Variants in SVOP observed in about 807,000 individuals in gnomAD.
SVOP encodes synaptic vesicle 2-related protein.
In SVOP, 17 loss-of-function variants were observed where a neutral mutation model predicts 69.1. That is an observed-to-expected ratio of 0.25 (90% CI 0.17 to 0.37). The LOEUF (loss-of-function observed/expected upper bound fraction) is 0.37. Ranked by LOEUF, SVOP falls within the 10% of genes least tolerant of loss-of-function variation. The probability of loss-of-function intolerance (pLI) is 1.00; values close to 1 mark genes in which losing one functional copy is unlikely to be tolerated. For missense variants in SVOP, 435 were observed against 597.5 expected (o/e 0.73, Z 2.84); for synonymous variants, 238 against 238.6 (o/e 1.00, Z 0.02).
chr12:108,937,010 T>C (rs1347318657), intron 10 of SVOP: 1 of 463,968 alleles, frequency 2.2e-6, no homozygotes, highest in East Asian at 4.0e-5. Flanking sequence ...TGCAGTAAGC[T>C]AGGAGAGCGC....
intron 1 of SVOP, among the ~76,000 whole-genome samples, chr12:109,008,849 TG>T (rs2135628961): frequency 6.6e-6 from 1 of 152,186 alleles, no homozygotes; most frequent in African/African-American, 2.4e-5. Flanking sequence ...TTCTTTGACA[TG>T]GCCTCAGCAG....
chr12:108,926,685 A>G (rs2039782671), intron 11 of SVOP: 1 of 152,264 alleles, frequency 6.6e-6, no homozygotes, highest in African/African-American at 2.4e-5. Context: ...AAATGCAAAT[A>G]GTGCCTGGTG....
intron 15 of SVOP, among the ~76,000 whole-genome samples, 186 bp from the exon 16 acceptor site, chr12:108,912,927 T>C (rs2039693638): frequency 6.6e-6 from 1 of 152,104 alleles, no homozygotes; most frequent in South Asian, 2.1e-4. Flanking sequence ...CTCCTTTGCC[T>C]TCCTCCATGA....
intron 1 of SVOP, among the ~76,000 whole-genome samples, chr12:109,008,217 G>A (rs936844935): frequency 6.6e-6 from 1 of 152,108 alleles, no homozygotes; most frequent in African/African-American, 2.4e-5. Context: ...ATACCCCTGT[G>A]GAACTGATTA....
In SVOP at chr12:108,915,172, CAAA is replaced by C. The variant is rs78563087; in HGVS notation, c.1440+608_1440+610del. ...TGGGTGACAAAGCGAGACTCCATCCCAAAAAAAAAAAAAAAAAATCAACTTTTA... is the reference window on the plus strand; with the variant it reads ...TGGGTGACAAAGCGAGACTCCATCCCAAAAAAAAAAAAAAATCAACTTTTA... On this transcript the variant is annotated intron_variant, in intron 15 of 15. Transcript: ENST00000610966. Among the ~76,000 whole-genome samples the C allele has an allele frequency of 4.2e-3, 477 of 113,940 alleles. 2 individuals are homozygous for C. Among genetic ancestry groups the C allele is most frequent in the Middle Eastern group, 0.026 (6 of 232 alleles). The allele number at this position is 113,940 out of a possible 152,430, so 74.7% of individuals were successfully genotyped here.
chr12:108,951,740 T>A (rs2039955072), intron 6 of SVOP, among the ~76,000 whole-genome samples: 1 of 152,218 alleles, frequency 6.6e-6, no homozygotes, highest in South Asian at 2.1e-4. Context: ...TTTGAAATTG[T>A]TGTTCAACAT....
intron 7 of SVOP, among the ~76,000 whole-genome samples, 169 bp from the exon 8 acceptor site, chr12:108,941,078 C>T (rs1458293231): frequency 6.6e-6 from 1 of 152,100 alleles, no homozygotes; most frequent in East Asian, 1.9e-4. Context: ...CCAGGGCTGC[C>T]ATGTTGCCCA....
chr12:108,997,655 T>C (rs2040243780), intron 1 of SVOP, among the ~76,000 whole-genome samples: 1 of 151,388 alleles, frequency 6.6e-6, no homozygotes, highest in Non-Finnish European at 1.5e-5. Context: ...CCCTGACCCC[T>C]GACCCCCGAG....
chr12:108,960,204 C>T (rs944692069), intron 6 of SVOP, among the ~76,000 whole-genome samples: 2 of 152,140 alleles, frequency 1.3e-5, no homozygotes, highest in Non-Finnish European at 2.9e-5. Flanking sequence ...GGCATGAAAA[C>T]GACCATAGAT....
intron 2 of SVOP, 30 bp downstream of exon 2, chr12:108,983,571 G>A: frequency 2.5e-6 from 1 of 398,742 alleles, no homozygotes; most frequent in Non-Finnish European, 4.4e-6. Context: ...CGTGGCCCAG[G>A]CTGATTCCCC....
At chr12:108,987,473 C>T (rs2040171938) in intron 1 of SVOP, among the ~76,000 whole-genome samples, 1 of 152,190 alleles carries the variant, frequency 6.6e-6, no homozygotes, top group African/African-American at 2.4e-5. Context: ...AGACGAATTA[C>T]TGGATGAAAG....
rs986805537 is a variant in SVOP at position 109,020,919 on chromosome 12, G to A, written c.-51C>T. On this transcript the variant is annotated 5_prime_UTR_variant, in exon 1 of 16. Coordinates refer to ENST00000610966, the MANE Select transcript of SVOP (RefSeq NM_018711.5). Reference sequence around the variant, plus strand: ...TTCTCATGGCCCTTACATGGTAGTGGTGGATGACGAGCCCTCCGGTTTTCA... The same window carrying A: ...TTCTCATGGCCCTTACATGGTAGTGATGGATGACGAGCCCTCCGGTTTTCA... 2.8e-6 allele frequency: 2 copies of A among 708,584 alleles called. No individual in the cohort carries two copies. Among genetic ancestry groups the A allele is most frequent in the Admixed American group, 2.1e-5 (1 of 48,764 alleles). 43.9% of individuals were successfully genotyped at this position (708,584 alleles called of 1,614,324 possible). A position where few individuals can be genotyped will look rare whatever the true frequency, so the allele number is the denominator to read the frequency against.
intron 1 of SVOP, among the ~76,000 whole-genome samples, chr12:109,002,406 C>T (rs2040277119): frequency 1.1e-5 from 1 of 89,420 alleles, no homozygotes; most frequent in Non-Finnish European, 2.2e-5. Context: ...GTGGCGATTC[C>T]TCAGGGATCT....
intron 1 of SVOP, among the ~76,000 whole-genome samples, chr12:108,986,746 A>C (rs2040167814): frequency 6.6e-6 from 1 of 151,224 alleles, no homozygotes; most frequent in Non-Finnish European, 1.5e-5. Context: ...GCAGGTTCTC[A>C]CTCTGTCGCC....
intron 5 of SVOP, among the ~76,000 whole-genome samples, chr12:108,964,201 A>C (rs1239883775): frequency 1.3e-5 from 2 of 152,114 alleles, no homozygotes; most frequent in Non-Finnish European, 2.9e-5. Context: ...CAAAAATTAA[A>C]TCAAAAAAAA....
chr12:108,985,018 G>A (rs2040159431), intron 1 of SVOP, among the ~76,000 whole-genome samples: 1 of 151,990 alleles, frequency 6.6e-6, no homozygotes, highest in African/African-American at 2.4e-5. Flanking sequence ...CTTGGGCAAA[G>A]GAGTTCAAGA....
chr12:108,939,920 C>A (rs1010694501), intron 8 of SVOP, among the ~76,000 whole-genome samples: 7 of 152,304 alleles, frequency 4.6e-5, no homozygotes, highest in African/African-American at 1.4e-4. Context: ...GACTTCAAAG[C>A]CCTAGAGGAT....
chr12:109,018,891 T>A (rs1225299210), intron 1 of SVOP, among the ~76,000 whole-genome samples: 1 of 152,248 alleles, frequency 6.6e-6, no homozygotes, highest in Non-Finnish European at 1.5e-5. Flanking sequence ...ATCTTCACAA[T>A]AACCTTATGA....
At chr12:108,992,668 T>C (rs1197194705) in intron 1 of SVOP, among the ~76,000 whole-genome samples, 1 of 151,858 alleles carries the variant, frequency 6.6e-6, no homozygotes, top group Non-Finnish European at 1.5e-5. Flanking sequence ...TAGATATGAG[T>C]CCGCTTAAAT....
Sources: allele counts gnomAD v4.1 joint callset (sites outside exome capture counted in the v4.1 genomes callset), GRCh38; gene constraint gnomAD v4.1.1; transcripts MANE v1.5; gene names NCBI Gene and HGNC (gene_info 2026-07-23, HGNC 2026-07-21).